Variants in CSNK2B observed in about 807,000 individuals in gnomAD.
CSNK2B encodes the protein casein kinase II subunit beta.
CSNK2B carries 2 observed loss-of-function variants against 28.8 expected under a neutral mutation model. The observed-to-expected ratio is 0.07, with a 90% CI of 0.03 to 0.22. The LOEUF is 0.22. Ranked by LOEUF, CSNK2B falls within the 10% of genes least tolerant of loss-of-function variation. The probability of loss-of-function intolerance (pLI) is 1.00; values close to 1 mark genes in which losing one functional copy is unlikely to be tolerated. For missense variants in CSNK2B, 107 were observed against 277.9 expected (o/e 0.39, Z 4.37); for synonymous variants, 89 against 96.1 (o/e 0.93, Z 0.43).
At chr6:31,666,622 C>G in intron 1 of CSNK2B, 199 bp from the exon 2 acceptor site, 1 of 592,330 alleles carries the variant, frequency 1.7e-6, no homozygotes, top group Non-Finnish European at 3.0e-6. Context: ...GGTGGGACCC[C>G]AAAGAATGTT....
At chr6:31,666,496 C>T (rs573040864) in intron 1 of CSNK2B, 118 of 408,056 alleles carry the variant, frequency 2.9e-4, no homozygotes, top group African/African-American at 2.2e-3. Flanking sequence ...TGGTAGGGAG[C>T]CTGAGTCGAG....
At chr6:31,667,044 C>T (rs754722911) in intron 2 of CSNK2B, 141 bp downstream of exon 2, 5 of 780,926 alleles carry the variant, frequency 6.4e-6, no homozygotes, top group South Asian at 5.8e-5. Context: ...CTATAAACCC[C>T]GACGAACCTG....
chr6:31,666,736 G>T (rs1245503710), intron 1 of CSNK2B, 85 bp from the exon 2 acceptor site: 2 of 1,107,946 alleles, frequency 1.8e-6, no homozygotes, highest in Non-Finnish European at 2.6e-6. Context: ...TTCTCCCGTG[G>T]TTGGAGGGCC....
chr6:31,669,082 T>C lies in CSNK2B; in HGVS notation c.292-15T>C. Reference sequence around the variant, plus strand: ...TACATCTACCTGCCAACCCCTTCCATTGTATTCACCTCAGTTGGAAAAGTA... The same window carrying C: ...TACATCTACCTGCCAACCCCTTCCACTGTATTCACCTCAGTTGGAAAAGTA... On this transcript the variant is annotated splice_polypyrimidine_tract_variant and intron_variant, in intron 4 of 6. Transcript: ENST00000375882. The surrounding 1 kb of genome is among the most constrained non-coding windows in gnomAD (Gnocchi z 4.8). 6.2e-7 allele frequency: 1 copy of C among 1,608,798 alleles called. No homozygotes were observed. Among genetic ancestry groups the C allele is most frequent in the African/African-American group, 1.3e-5 (1 of 74,910 alleles).
Position 31,669,401 on chromosome 6 carries a change from A to G in CSNK2B, c.450A>G (p.Arg150=), listed in dbSNP as rs376794955. Residue 150 remains arginine, a synonymous_variant, in exon 6 of 7, where the codon AGA becomes AGG. Coordinates refer to ENST00000375882, the MANE Select transcript of CSNK2B (RefSeq NM_001320.7). This position sits in a 1 kb window ranked among gnomAD's most constrained non-coding sequence, Gnocchi z 4.8. ...CMDVYTPKSS[R]HHHTDGAYFG... is the part of the protein sequence containing the mutation. Reference sequence around the variant, plus strand: ...ATGTGTACACACCCAAGTCATCAAGACACCATCACACGGATGGCGCCTACT... The same window carrying G: ...ATGTGTACACACCCAAGTCATCAAGGCACCATCACACGGATGGCGCCTACT... 5 of 1,614,180 alleles carry G rather than the reference A, an allele frequency of 3.1e-6. No homozygotes were observed. The African/African-American group carries it at 5.3e-5, about 17-fold the overall frequency.
Position 31,666,846 on chromosome 6 carries a change from G to A in CSNK2B, c.15G>A (p.Glu5=), listed in dbSNP as rs1193039067. 1 of 1,614,056 alleles carries A rather than the reference G, an allele frequency of 6.2e-7. No individual in the cohort carries two copies. The highest frequency in any genetic ancestry group is 8.5e-7 in the Non-Finnish European group (1 of 1,179,962). ...CTGACGTGAAGATGAGCAGCTCAGA[G>A]GAGGTGTCCTGGATTTCCTGGTTCT... MSSS[E]EVSWISWFCG... The change falls in exon 2 of 7, where the codon GAG becomes GAA. Residue 5 remains glutamate, a synonymous_variant. Transcript: ENST00000375882.
chr6:31,668,283 G>A (rs1317756668), intron 3 of CSNK2B: 2 of 601,446 alleles, frequency 3.3e-6, no homozygotes, highest in Admixed American at 3.0e-5. Context: ...CATTGTTGCA[G>A]TTATGTATTG....
Position 31,669,425 on chromosome 6 carries a change from C to T in CSNK2B, c.474C>T (p.Tyr158=). 1 of 1,614,138 alleles carries T rather than the reference C, an allele frequency of 6.2e-7. No homozygotes were observed. The highest frequency in any genetic ancestry group is 8.5e-7 in the Non-Finnish European group (1 of 1,180,034). ...GACACCATCACACGGATGGCGCCTA[C>T]TTCGGCACTGGTTTCCCTCACATGC... ...SSRHHHTDGA[Y]FGTGFPHMLF... Residue 158 remains tyrosine (Y), a synonymous_variant, in exon 6 of 7, where the codon TAC becomes TAT. Transcript: ENST00000375882. The surrounding 1 kb of genome is among the most constrained non-coding windows in gnomAD (Gnocchi z 4.8).
intron 3 of CSNK2B, 190 bp from the exon 4 acceptor site, chr6:31,668,349 G>A (rs908065942): frequency 1.6e-5 from 10 of 608,108 alleles, no homozygotes; most frequent in Non-Finnish European, 2.6e-5. Context: ...GTGAAGGGAA[G>A]GCAGAGCTGT....
At position 31,669,937 on chromosome 6, in the gene CSNK2B, C is replaced by A. The variant is rs775573534; in HGVS notation, c.*11C>A. Reference sequence around the variant, plus strand: ...AAGACGATTCGCTGATTCCCTCCCCCACCTGTCCTGCAGTCTTTGACTTTT... The same window carrying A: ...AAGACGATTCGCTGATTCCCTCCCCAACCTGTCCTGCAGTCTTTGACTTTT... On this transcript the variant is annotated 3_prime_UTR_variant, in exon 7 of 7. Coordinates refer to ENST00000375882, the MANE Select transcript of CSNK2B (RefSeq NM_001320.7). The surrounding 1 kb of genome is among the most constrained non-coding windows in gnomAD (Gnocchi z 4.8). 3.0e-5 allele frequency: 49 copies of A among 1,610,672 alleles called. No homozygotes were observed. The highest frequency in any genetic ancestry group is 3.3e-4 in the Middle Eastern group (2 of 6,056).
chr6:31,667,980 C>A lies in CSNK2B; in HGVS notation c.175+10C>A. The A allele has an allele frequency of 6.3e-7, 1 of 1,587,450 alleles. No homozygotes were observed. Among genetic ancestry groups the A allele is most frequent in the Non-Finnish European group, 8.6e-7 (1 of 1,157,336 alleles). On this transcript the variant is annotated intron_variant, in intron 3 of 6. Transcript: ENST00000375882. ...TTGGACCTGGAGCCTGGTGAGGCAC[C>A]CTCAGGGTTGTTTTGTGTGTGTGCG...
intron 2 of CSNK2B, chr6:31,667,127 A>G: frequency 1.4e-6 from 1 of 693,464 alleles, no homozygotes; most frequent in Non-Finnish European, 2.6e-6. Context: ...GGGCTAGTCA[A>G]TTTGTGTCTT....
chr6:31,666,179 C>T lies in CSNK2B; in HGVS notation c.-41C>T. 2.0e-6 allele frequency: 2 copies of T among 993,410 alleles called. No homozygotes were observed. The highest frequency in any genetic ancestry group is 4.3e-5 in the South Asian group (1 of 23,180). 61.5% of individuals were successfully genotyped at this position (993,410 alleles called of 1,614,324 possible). On this transcript the variant is annotated 5_prime_UTR_variant, in exon 1 of 7. Transcript: ENST00000375882. The stretch of plus-strand genomic sequence containing the variant: ...TCCCTGGAAGTAGCAACTTCCCTAC[C>T]CCACCCCAGTCCTGGTCCCCGTCCA...
At chr6:31,666,510 C>T (rs892429539) in intron 1 of CSNK2B, 1 of 436,898 alleles carries the variant, frequency 2.3e-6, no homozygotes, top group Non-Finnish European at 4.1e-6. Context: ...AGTCGAGGTC[C>T]CTGCCGGAGT....
Position 31,669,637 on chromosome 6 carries a change from C to T in CSNK2B, c.557+129C>T, listed in dbSNP as rs1330879750. The T allele has an allele frequency of 2.7e-5, 31 of 1,144,976 alleles. No individual in the cohort carries two copies. Among genetic ancestry groups the T allele is most frequent in the Non-Finnish European group, 3.6e-5 (29 of 808,964 alleles). 70.9% of individuals were successfully genotyped at this position (1,144,976 alleles called of 1,614,324 possible). On this transcript the variant is annotated intron_variant, in intron 6 of 6. Coordinates refer to ENST00000375882, the MANE Select transcript of CSNK2B (RefSeq NM_001320.7). The surrounding 1 kb of genome is among the most constrained non-coding windows in gnomAD (Gnocchi z 4.8). The stretch of plus-strand genomic sequence containing the variant: ...ATCAGGGCATCTCCCTGCTGAGTGA[C>T]TGTGGGAAAGTTATTTGATTATCTG...
chr6:31,667,047 C>G, intron 2 of CSNK2B, 144 bp downstream of exon 2: 1 of 769,604 alleles, frequency 1.3e-6, no homozygotes, highest in South Asian at 1.5e-5. Flanking sequence ...TAAACCCCGA[C>G]GAACCTGTGC....
rs1248085389 is a variant in CSNK2B at position 31,669,707 on chromosome 6, G to C, written c.558-129G>C. 9.7e-7 allele frequency: 1 copy of C among 1,026,678 alleles called. No homozygotes were observed. Among genetic ancestry groups the C allele is most frequent in the Non-Finnish European group, 1.4e-6 (1 of 707,552 alleles). The allele number at this position is 1,026,678 out of a possible 1,614,324, so 63.6% of individuals were successfully genotyped here. On this transcript the variant is annotated intron_variant, in intron 6 of 6. Coordinates refer to ENST00000375882, the MANE Select transcript of CSNK2B (RefSeq NM_001320.7). The surrounding 1 kb of genome is among the most constrained non-coding windows in gnomAD (Gnocchi z 4.8). ...TAGAATGTTCTTGAGCTGAGAAGTTGGGAACCACGAGGCTTTAGCTCTGAG... is the reference window on the plus strand; with the variant it reads ...TAGAATGTTCTTGAGCTGAGAAGTTCGGAACCACGAGGCTTTAGCTCTGAG...
chr6:31,669,736 G>A lies in CSNK2B; in HGVS notation c.558-100G>A, dbSNP rs887854475. ...ACCACGAGGCTTTAGCTCTGAGCAG[G>A]TCCATAGAGGAGCTCAGGTGGGGAG... is the stretch of plus-strand genomic sequence containing the variant. On this transcript the variant is annotated intron_variant, in intron 6 of 6. Transcript: ENST00000375882. This position sits in a 1 kb window ranked among gnomAD's most constrained non-coding sequence, Gnocchi z 4.8. 7 of 1,133,424 alleles carry A rather than the reference G, an allele frequency of 6.2e-6. No homozygotes were observed. In the Admixed American group the frequency reaches 1.1e-4, roughly 18 times the overall value. 70.2% of individuals were successfully genotyped at this position (1,133,424 alleles called of 1,614,324 possible).
At chr6:31,667,062 G>A in intron 2 of CSNK2B, 159 bp downstream of exon 2, 3 of 731,184 alleles carry the variant, frequency 4.1e-6, no homozygotes, top group Admixed American at 2.0e-5. Flanking sequence ...CTGTGCTAAA[G>A]TGGCAAAACT....
Sources: allele counts gnomAD v4.1 joint callset, GRCh38; gene constraint gnomAD v4.1.1; non-coding constraint Gnocchi (gnomAD v3.1); transcripts MANE v1.5; gene names NCBI Gene and HGNC (gene_info 2026-07-23, HGNC 2026-07-21).